Variants in LRP1B observed in about 807,000 individuals in gnomAD.
LRP1B encodes low-density lipoprotein receptor-related protein 1B.
Under a neutral mutation model 556.6 loss-of-function variants are expected in LRP1B, and 217 were observed. The observed-to-expected ratio is 0.39, with a 90% CI of 0.35 to 0.44. LRP1B has a LOEUF of 0.44. Ranked by LOEUF, LRP1B falls within the 20% of genes least tolerant of loss-of-function variation. LRP1B has a pLI of 1.00. For missense variants in LRP1B, 5,053 were observed against 5,620.8 expected, an observed-to-expected ratio of 0.90 and a Z score of 3.23; for synonymous variants, 2,047 against 1,865.8, an observed-to-expected ratio of 1.10 and a Z score of -2.50.
In LRP1B at chr2:141,132,511, C is replaced by T. The variant is rs191268582; in HGVS notation, c.1013+55910G>A. 8.8e-4 allele frequency among the ~76,000 whole-genome samples: 134 copies of T among 152,022 alleles called. 1 individual carries two copies. The highest frequency in any genetic ancestry group is 3.2e-3 in the African/African-American group (132 of 41,496). ...TACAAAACTGAGATCTAAAAAAAAC[C>T]CTCTTCTCTTTATAAAATACCCAGT... On this transcript the variant is annotated intron_variant, in intron 7 of 90. Coordinates refer to ENST00000389484, the MANE Select transcript of LRP1B (RefSeq NM_018557.3).
intron 84 of LRP1B, among the ~76,000 whole-genome samples, chr2:140,292,450 A>C (rs571457831): frequency 2.0e-5 from 3 of 152,222 alleles, no homozygotes; most frequent in Admixed American, 1.3e-4. Flanking sequence ...CCCTCTTTGC[A>C]TATGCTGCTC....
intron 2 of LRP1B, among the ~76,000 whole-genome samples, chr2:141,708,109 C>T (rs1393108742): frequency 1.3e-5 from 2 of 152,054 alleles, no homozygotes; most frequent in African/African-American, 4.8e-5. Flanking sequence ...ATAATTATTT[C>T]CCACTTGCTC....
chr2:140,561,462 G>A (rs1465002536), intron 43 of LRP1B, among the ~76,000 whole-genome samples: 5 of 152,050 alleles, frequency 3.3e-5, no homozygotes, highest in Admixed American at 3.3e-4. Flanking sequence ...GTGTCTTTGG[G>A]TATTCATTCT....
rs193182747 is a variant in LRP1B at position 141,220,539 on chromosome 2, C to A, written c.850+8644G>T. On this transcript the variant is annotated intron_variant, in intron 6 of 90. Coordinates refer to ENST00000389484, the MANE Select transcript of LRP1B (RefSeq NM_018557.3). ...ACTTCCCCAACCTAGCAAGACAGGC[C>A]AACATTCAAATCCAGAGAACCCCAG... 4.0e-3 allele frequency among the ~76,000 whole-genome samples: 593 copies of A among 149,436 alleles called. 6 individuals are homozygous for A. Among genetic ancestry groups the A allele is most frequent in the Non-Finnish European group, 6.1e-3 (414 of 67,514 alleles).
chr2:142,091,630 A>C (rs1982384), intron 1 of LRP1B, among the ~76,000 whole-genome samples: 12,448 of 152,210 alleles, frequency 0.082, 551 homozygotes, highest in Non-Finnish European at 0.093. Context: ...CTATTAGTTA[A>C]TTCCTTGCCC....
At chr2:140,789,109 C>T (rs999392366) in intron 32 of LRP1B, among the ~76,000 whole-genome samples, 3 of 152,030 alleles carry the variant, frequency 2.0e-5, no homozygotes, top group African/African-American at 4.8e-5. Context: ...AATATACTCC[C>T]CCATATCAAC....
chr2:140,587,278 G>C (rs1023588081), intron 43 of LRP1B, among the ~76,000 whole-genome samples: 1 of 152,112 alleles, frequency 6.6e-6, no homozygotes, highest in Non-Finnish European at 1.5e-5. Context: ...GAGAAAGCGT[G>C]GGGCTAAAAA....
chr2:141,437,412 G>A (rs1680799719), intron 3 of LRP1B, among the ~76,000 whole-genome samples: 1 of 151,946 alleles, frequency 6.6e-6, no homozygotes, highest in Non-Finnish European at 1.5e-5. Flanking sequence ...GGACAGAAAA[G>A]ATGAATTAAA....
intron 1 of LRP1B, among the ~76,000 whole-genome samples, chr2:141,937,612 T>C (rs868833013): frequency 6.6e-6 from 1 of 151,642 alleles, no homozygotes; most frequent in Middle Eastern, 3.4e-3. Flanking sequence ...GAAAAACTGA[T>C]TCTAAAATTT....
chr2:141,628,005 T>G (rs1428523073), intron 2 of LRP1B, among the ~76,000 whole-genome samples: 1 of 152,194 alleles, frequency 6.6e-6, no homozygotes, highest in African/African-American at 2.4e-5. Flanking sequence ...ATTTTAATAC[T>G]ATGTGGAAAA....
intron 41 of LRP1B, among the ~76,000 whole-genome samples, chr2:140,605,506 GTTTCT>G (rs1441854418): frequency 1.3e-5 from 2 of 151,754 alleles, no homozygotes; most frequent in African/African-American, 4.8e-5. Flanking sequence ...TAAAAGTTCT[GTTTCT>G]TTTATTTTCC....
At chr2:140,901,382 C>G (rs556086887) in intron 23 of LRP1B, among the ~76,000 whole-genome samples, 1 of 151,956 alleles carries the variant, frequency 6.6e-6, no homozygotes, top group South Asian at 2.1e-4. Flanking sequence ...CTTCCTCTAA[C>G]AAATCTGCCT....
At chr2:141,060,333 T>G (rs922905014) in intron 8 of LRP1B, among the ~76,000 whole-genome samples, 1 of 151,762 alleles carries the variant, frequency 6.6e-6, no homozygotes, top group Non-Finnish European at 1.5e-5. Context: ...AATAGTTTTT[T>G]TGTATGTACA....
At chr2:140,532,776 C>T (rs1046084962) in intron 47 of LRP1B, among the ~76,000 whole-genome samples, 2 of 151,826 alleles carry the variant, frequency 1.3e-5, no homozygotes, top group Non-Finnish European at 2.9e-5. Context: ...AGTCCCTCTA[C>T]TTGGAATTCT....
At chr2:140,383,161 GAT>G (rs1444844540) in intron 67 of LRP1B, among the ~76,000 whole-genome samples, 1 of 152,076 alleles carries the variant, frequency 6.6e-6, no homozygotes, top group East Asian at 1.9e-4. Context: ...ATATGTCTGT[GAT>G]ATGTTTCACT....
At position 140,770,742 on chromosome 2, in the gene LRP1B, A is replaced by T. The variant is rs1390948258; in HGVS notation, c.5626+139T>A. Reference sequence around the variant, plus strand: ...AATATTAAAATCTTACACATATGAGACTAAACAGTATACCATTTCCTAATA... The same window carrying T: ...AATATTAAAATCTTACACATATGAGTCTAAACAGTATACCATTTCCTAATA... On this transcript the variant is annotated intron_variant, in intron 34 of 90. Coordinates refer to ENST00000389484, the MANE Select transcript of LRP1B (RefSeq NM_018557.3). 3 of 540,738 alleles carry T rather than the reference A, an allele frequency of 5.5e-6. No individual in the cohort carries two copies. In the Admixed American group the frequency reaches 1.0e-4, roughly 18 times the overall value. 33.5% of individuals were successfully genotyped at this position (540,738 alleles called of 1,614,324 possible). A position where few individuals can be genotyped will look rare whatever the true frequency, so the allele number is the denominator to read the frequency against.
chr2:141,464,506 G>A (rs111663470), intron 3 of LRP1B, among the ~76,000 whole-genome samples: 12,898 of 148,836 alleles, frequency 0.087, 645 homozygotes, highest in Non-Finnish European at 0.1. Flanking sequence ...TCTGCCTCCC[G>A]GGTTCACGCC....
intron 2 of LRP1B, among the ~76,000 whole-genome samples, chr2:141,507,014 A>C (rs935530965): frequency 6.6e-6 from 1 of 152,150 alleles, no homozygotes; most frequent in Non-Finnish European, 1.5e-5. Flanking sequence ...CTAGCTAACT[A>C]AAGTGACTTC....
chr2:141,428,202 G>C (rs1219039536), intron 3 of LRP1B, among the ~76,000 whole-genome samples: 2 of 152,014 alleles, frequency 1.3e-5, no homozygotes, highest in Non-Finnish European at 2.9e-5. Flanking sequence ...TAGGTTACAG[G>C]TTGAATCCAT....
Sources: allele counts gnomAD v4.1 joint callset (sites outside exome capture counted in the v4.1 genomes callset), GRCh38; gene constraint gnomAD v4.1.1; transcripts MANE v1.5; gene names NCBI Gene and HGNC (gene_info 2026-07-23, HGNC 2026-07-21).